SH3TC1: variants seen among roughly 807,000 people sequenced by gnomAD.
The protein encoded by SH3TC1 is SH3 domain and tetratricopeptide repeat-containing protein 1.
In SH3TC1, 135 loss-of-function variants were observed where a neutral mutation model predicts 117.3. That is an observed-to-expected ratio of 1.15 (90% CI 1.00 to 1.33). SH3TC1 has a LOEUF of 1.33. Ranked by LOEUF, SH3TC1 falls within the 40% of genes most tolerant of loss-of-function variation. The probability of loss-of-function intolerance (pLI) is 0.00; values close to 1 mark genes in which losing one functional copy is unlikely to be tolerated. For synonymous variants in SH3TC1, 898 were observed against 816.9 expected, an observed-to-expected ratio of 1.10 and a Z score of -1.69; for missense variants, 2,092 against 1,794.3, an observed-to-expected ratio of 1.17 and a Z score of -3.00.
At chr4:8,222,491 A>G (rs1720028176) in intron 9 of SH3TC1, among the ~76,000 whole-genome samples, 1 of 143,362 alleles carries the variant, frequency 7.0e-6, no homozygotes, top group Admixed American at 7.4e-5. Flanking sequence ...CTCCTGCCTC[A>G]GCCTCCCGAA....
At chr4:8,238,104 G>A (rs908226873) in intron 17 of SH3TC1, among the ~76,000 whole-genome samples, 3 of 152,180 alleles carry the variant, frequency 2.0e-5, no homozygotes, top group African/African-American at 7.2e-5. Flanking sequence ...AAATCCTGGC[G>A]CCTCTGCTAG....
intron 17 of SH3TC1, among the ~76,000 whole-genome samples, chr4:8,239,430 G>GCA (rs142161605): frequency 0.35 from 50,913 of 147,478 alleles, 10,228 homozygotes; most frequent in Non-Finnish European, 0.46. Flanking sequence ...ACAGGCACAT[G>GCA]CACACACACG....
At chr4:8,196,534 T>G (rs1382869992), upstream of SH3TC1, among the ~76,000 whole-genome samples, 2 of 151,818 alleles carry the variant, frequency 1.3e-5, no homozygotes, top group South Asian at 4.1e-4. This position sits in a 1 kb window ranked among gnomAD's most constrained non-coding sequence, Gnocchi z 4.6. Flanking sequence ...GTGCCCAGAG[T>G]TGCACCCATT....
intron 15 of SH3TC1, chr4:8,236,075 G>C (rs967847971): frequency 1.6e-6 from 1 of 619,096 alleles, no homozygotes; most frequent in African/African-American, 1.9e-5. Context: ...TGAGGCTGCC[G>C]GGTGTAGCTG....
At chr4:8,200,024 C>T (rs1234835270) in intron 1 of SH3TC1, among the ~76,000 whole-genome samples, 1 of 152,246 alleles carries the variant, frequency 6.6e-6, no homozygotes, top group Non-Finnish European at 1.5e-5. Context: ...GTGTACACCA[C>T]TGAGACCCCC....
In SH3TC1 at chr4:8,214,594, C is replaced by A. The variant is rs745833065; in HGVS notation, c.481+14C>A. 2.5e-5 allele frequency: 40 copies of A among 1,610,180 alleles called. No homozygotes were observed. Among genetic ancestry groups the A allele is most frequent in the Admixed American group, 1.0e-4 (6 of 59,956 alleles). ...ACCATGCTCTCGGTAAAGAGGTGAC[C>A]CTCCCAGAATTGGTCATGGGGACGC... On this transcript the variant is annotated intron_variant, in intron 5 of 17. Transcript: ENST00000245105.
Position 8,225,981 on chromosome 4 carries a change from C to T in SH3TC1, c.1285+765C>T, listed in dbSNP as rs1052621204. Among the ~76,000 whole-genome samples the T allele has an allele frequency of 1.3e-5, 2 of 152,096 alleles. No individual in the cohort carries two copies. The highest frequency in any genetic ancestry group is 3.2e-3 in the Middle Eastern group (1 of 316). On this transcript the variant is annotated intron_variant, in intron 11 of 17. Coordinates refer to ENST00000245105, the MANE Select transcript of SH3TC1 (RefSeq NM_018986.5). This position sits in a 1 kb window ranked among gnomAD's most constrained non-coding sequence, Gnocchi z 5.5. ...GGTAATAGCTGGGAGGGGCTGTTTG[C>T]CTCTGCCGGGCAGGGAGATTTCTTA...
At chr4:8,212,622 C>T in intron 3 of SH3TC1, 79 bp from the exon 4 acceptor site, 2 of 1,590,522 alleles carry the variant, frequency 1.3e-6, no homozygotes, top group Non-Finnish European at 8.6e-7. Flanking sequence ...GGGTTGGAGG[C>T]TGGCAGGTGG....
At chr4:8,193,507 G>T (rs957593801) in intron 1 of SH3TC1, among the ~76,000 whole-genome samples, 1 of 152,108 alleles carries the variant, frequency 6.6e-6, no homozygotes, top group Non-Finnish European at 1.5e-5. Context: ...CCAAGTCTCA[G>T]CCCAGATGCC....
intron 1 of SH3TC1, among the ~76,000 whole-genome samples, chr4:8,189,619 G>A (rs970783794): frequency 7.9e-5 from 12 of 152,276 alleles, no homozygotes; most frequent in Middle Eastern, 6.8e-3. Context: ...GAAAGAGAGG[G>A]GTCATGCGCC....
chr4:8,223,114 A>G (rs2152989235), intron 10 of SH3TC1, 144 bp downstream of exon 10: 1 of 1,197,032 alleles, frequency 8.4e-7, no homozygotes, highest in Non-Finnish European at 1.1e-6. Context: ...CCTCCAGGGC[A>G]CATAGGGGCT....
Position 8,205,976 on chromosome 4 carries a change from G to A in SH3TC1, c.172+610G>A, listed in dbSNP as rs1340184143. 1.0e-4 allele frequency: 40 copies of A among 400,392 alleles called. No homozygotes were observed. The East Asian group carries it at 1.2e-3, about 12-fold the overall frequency. The allele number at this position is 400,392 out of a possible 1,614,324, so 24.8% of individuals were successfully genotyped here. ...CAGGAGACAGCTGCGGTTGTGACCCGTCCCTGGGCCTCGTCCTCCCAGTGT... is the reference window on the plus strand; with the variant it reads ...CAGGAGACAGCTGCGGTTGTGACCCATCCCTGGGCCTCGTCCTCCCAGTGT... On this transcript the variant is annotated intron_variant, in intron 2 of 17. Coordinates refer to ENST00000245105, the MANE Select transcript of SH3TC1 (RefSeq NM_018986.5). The surrounding 1 kb of genome is among the most constrained non-coding windows in gnomAD (Gnocchi z 5.4).
chr4:8,195,124 C>A (rs1360944930), upstream of SH3TC1, among the ~76,000 whole-genome samples: 4 of 152,230 alleles, frequency 2.6e-5, no homozygotes, highest in African/African-American at 9.6e-5. Flanking sequence ...AGGAGACAGT[C>A]AAGCTGGTGG....
At chr4:8,196,581 G>A (rs1035949938), upstream of SH3TC1, among the ~76,000 whole-genome samples, 2 of 152,218 alleles carry the variant, frequency 1.3e-5, no homozygotes, top group Admixed American at 6.5e-5. This position sits in a 1 kb window ranked among gnomAD's most constrained non-coding sequence, Gnocchi z 4.6. Context: ...AGCTCCCAAA[G>A]TGCTCTGGGC....
In SH3TC1 at chr4:8,227,186, G is replaced by C; in HGVS notation, c.1492G>C (p.Ala498Pro). The change falls in exon 12 of 18, where the codon GCC (alanine) becomes CCC (proline). Residue 498 changes from alanine (A) to proline (P), a missense_variant. Ala to Pro is a conservative substitution (Grantham distance 27). Transcript: ENST00000245105. The stretch of plus-strand genomic sequence containing the variant: ...CGAGGACGACTGGGAGGACCCAGAG[G>C]CCCTGAGCTCACTGCTGCTGTTCCT... The part of the protein sequence containing the change: ...EAEDDWEDPE[A>P]LSSLLLFLNA... The C allele has an allele frequency of 6.3e-7, 1 of 1,583,126 alleles. No individual in the cohort carries two copies. The highest frequency in any genetic ancestry group is 1.1e-5 in the South Asian group (1 of 87,786).
At position 8,236,298 on chromosome 4, in the gene SH3TC1, A is replaced by G; in HGVS notation, c.3426A>G (p.Ala1142=). The G allele has an allele frequency of 6.4e-7, 1 of 1,555,690 alleles. No individual in the cohort carries two copies. Among genetic ancestry groups the G allele is most frequent in the East Asian group, 2.4e-5 (1 of 41,560 alleles). ...SFYRDRALPL[A]VTTGNRKAEL... ...GGCAGGACCGGGCCCTGCCCCTGGC[A>G]GTGACTACGGGCAACCGCAAGGCGG... Residue 1142 remains alanine (A), a synonymous_variant, in exon 16 of 18, where the codon GCA becomes GCG. Transcript: ENST00000245105.
At chr4:8,204,163 G>A (rs1194563955) in intron 1 of SH3TC1, among the ~76,000 whole-genome samples, 1 of 152,178 alleles carries the variant, frequency 6.6e-6, no homozygotes, top group Non-Finnish European at 1.5e-5. Flanking sequence ...GCCTGCAGAG[G>A]GGATGTTTGC....
In SH3TC1 at chr4:8,228,548, C is replaced by T. The variant is rs1046625777; in HGVS notation, c.2854C>T (p.Leu952=). 5 of 1,609,178 alleles carry T rather than the reference C, an allele frequency of 3.1e-6. No individual in the cohort carries two copies. The highest frequency in any genetic ancestry group is 1.7e-4 in the Middle Eastern group (1 of 5,938). ...GRDFTHVLLQ[L]GHLCTRQGPA... ...GGACTTCACCCACGTGCTCCTGCAGCTGGGCCATCTCTGCACCCGCCAGGG... is the reference window on the plus strand; with the variant it reads ...GGACTTCACCCACGTGCTCCTGCAGTTGGGCCATCTCTGCACCCGCCAGGG... The change falls in exon 12 of 18, where the codon CTG becomes TTG. Residue 952 remains leucine, a synonymous_variant. Transcript: ENST00000245105.
rs1477552597 is a variant in SH3TC1 at position 8,210,039 on chromosome 4, C to T, written c.247+217C>T. On this transcript the variant is annotated intron_variant, in intron 3 of 17. Coordinates refer to ENST00000245105, the MANE Select transcript of SH3TC1 (RefSeq NM_018986.5). This position sits in a 1 kb window ranked among gnomAD's most constrained non-coding sequence, Gnocchi z 4.1. ...GCCCCTGGGGCTCCCCTAGGCATCC[C>T]TGTGTGCACCTGCACAAACGGCAGA... Among the ~76,000 whole-genome samples, 2 of 152,226 alleles carry T rather than the reference C, an allele frequency of 1.3e-5. No individual in the cohort carries two copies. Among genetic ancestry groups the T allele is most frequent in the Non-Finnish European group, 2.9e-5 (2 of 68,030 alleles).
Sources: gnomAD v4.1 joint callset for allele counts (sites outside exome capture counted in the v4.1 genomes callset) on GRCh38, gnomAD v4.1.1 for gene constraint, Gnocchi (gnomAD v3.1) non-coding constraint, MANE v1.5 for transcripts, NCBI Gene and HGNC (gene_info 2026-07-23, HGNC 2026-07-21) for gene names.